Variants in RPSA observed in about 807,000 individuals in gnomAD.
RPSA encodes ribosomal protein SA, also known as small ribosomal subunit protein uS2.
For missense variants in RPSA, 140 were observed against 372.8 expected (o/e 0.38, Z 5.14); for synonymous variants, 103 against 126.7 (o/e 0.81, Z 1.25).
At chr3:39,407,846 A>G (rs1314760440) in intron 2 of RPSA, 60 bp downstream of exon 2, 11 of 1,418,586 alleles carry the variant, frequency 7.8e-6, no homozygotes, top group East Asian at 2.3e-5. Flanking sequence ...TGAGCTTGCT[A>G]TTCTCGTGGT....
intron 1 of RPSA, 143 bp downstream of exon 1, chr3:39,406,907 C>T: frequency 2.2e-6 from 1 of 455,322 alleles, no homozygotes; most frequent in Non-Finnish European, 4.4e-6. Flanking sequence ...CTTAGGCCTG[C>T]GGCCCGCACG....
chr3:39,407,817 C>T (rs781372954), intron 2 of RPSA, 31 bp downstream of exon 2: 2 of 1,581,022 alleles, frequency 1.3e-6, no homozygotes, highest in African/African-American at 1.3e-5. Flanking sequence ...TTTGTTACTC[C>T]AGCTGTAAGT....
At chr3:39,411,061 A>G (rs760984506) in intron 4 of RPSA, 62 bp downstream of exon 4, 4 of 1,581,158 alleles carry the variant, frequency 2.5e-6, no homozygotes, top group South Asian at 1.1e-5. Flanking sequence ...TCCTGTGCAC[A>G]TTGTTAGAGC....
chr3:39,408,846 C>T (rs2041959533), intron 3 of RPSA, 122 bp downstream of exon 3: 2 of 713,844 alleles, frequency 2.8e-6, no homozygotes, highest in African/African-American at 1.8e-5. Context: ...CGCCTGTAAT[C>T]CCAGCACTTT....
At chr3:39,412,119 C>A in intron 6 of RPSA, 58 bp downstream of exon 6, 1 of 1,520,388 alleles carries the variant, frequency 6.6e-7, no homozygotes, top group African/African-American at 1.4e-5. Flanking sequence ...CAGTTTTATT[C>A]TAACTTTAAT....
rs1364915389 is a variant in RPSA, at chr3:39,407,671, T to C, written c.18T>C (p.Asp6=). Residue 6 remains aspartate (D), a synonymous_variant, in exon 2 of 7, where the codon GAT becomes GAC. Coordinates refer to ENST00000301821, the MANE Select transcript of RPSA (RefSeq NM_002295.6). ...TTTTCACAATGTCCGGAGCCCTTGA[T>C]GTCCTGCAAATGAAGGAGGAGGATG... The part of the protein sequence containing the change: MSGAL[D]VLQMKEEDVL... The C allele has an allele frequency of 1.3e-6, 2 of 1,596,262 alleles. No individual in the cohort carries two copies. The highest frequency in any genetic ancestry group is 1.7e-6 in the Non-Finnish European group (2 of 1,177,832).
intron 3 of RPSA, 170 bp from the exon 4 acceptor site, chr3:39,410,584 T>C (rs1461499665): frequency 1.4e-5 from 10 of 720,688 alleles, no homozygotes; most frequent in Middle Eastern, 2.5e-4. Context: ...TCTTTTTTAA[T>C]GTATGCAGGA....
rs1402091973 is a variant in RPSA, at chr3:39,410,796, A to G, written c.295A>G (p.Ile99Val). 17 of 1,612,792 alleles carry G rather than the reference A, an allele frequency of 1.1e-5. No homozygotes were observed. The highest frequency in any genetic ancestry group is 1.3e-5 in the African/African-American group (1 of 74,924). Residue 99 changes from isoleucine to valine, a missense_variant, in exon 4 of 7, where the codon ATT becomes GTT. Coordinates refer to ENST00000301821, the MANE Select transcript of RPSA (RefSeq NM_002295.6). Reference sequence around the variant, plus strand: ...TGCTGCTGCCACTGGAGCCACTCCAATTGCTGGCCGCTTCACTCCTGGAAC... The same window carrying G: ...TGCTGCTGCCACTGGAGCCACTCCAGTTGCTGGCCGCTTCACTCCTGGAAC... ...KFAAATGATP[I>V]AGRFTPGTFT...
chr3:39,410,101 T>TG lies in RPSA; in HGVS notation c.253-652dup, dbSNP rs2041983250. ...ACTGTCCACTGCATCCCAGCCTGAG[T>TG]GACAGAGTGAGGCCTTGTCTCAAAG... On this transcript the variant is annotated intron_variant, in intron 3 of 6. Coordinates refer to ENST00000301821, the MANE Select transcript of RPSA (RefSeq NM_002295.6). Among the ~76,000 whole-genome samples the TG allele has an allele frequency of 2.6e-5, 4 of 152,204 alleles. No homozygotes were observed. The South Asian group carries it at 8.3e-4, about 31-fold the overall frequency.
intron 4 of RPSA, 178 bp from the exon 5 acceptor site, chr3:39,411,469 CTA>C: frequency 1.5e-6 from 1 of 659,438 alleles, no homozygotes; most frequent in Non-Finnish European, 2.5e-6. Context: ...TTTTCAATCC[CTA>C]TGATTCCAGT....
intron 3 of RPSA, 139 bp downstream of exon 3, chr3:39,408,863 T>TTTTTTTTTTAA: frequency 1.5e-6 from 1 of 668,606 alleles, no homozygotes; most frequent in African/African-American, 1.8e-5. Context: ...CTTTGGGAGG[T>TTTTTTTTTTAA]GGAGTCCGGC....
chr3:39,408,139 CAATAT>C (rs934913300), intron 2 of RPSA: 1 of 369,766 alleles, frequency 2.7e-6, no homozygotes, highest in African/African-American at 2.1e-5. Flanking sequence ...TGGGAATGAA[CAATAT>C]GGTTTGGAAG....
chr3:39,406,943 C>G, intron 1 of RPSA, 179 bp downstream of exon 1: 2 of 452,940 alleles, frequency 4.4e-6, no homozygotes, highest in South Asian at 3.1e-5. Context: ...TGGCGGGTTC[C>G]CAGAGTGCCC....
chr3:39,412,378 G>T lies in RPSA; in HGVS notation c.*10G>T. The T allele has an allele frequency of 3.2e-6, 4 of 1,246,402 alleles. No homozygotes were observed. The highest frequency in any genetic ancestry group is 2.4e-5 in the South Asian group (2 of 82,226). 77.2% of individuals were successfully genotyped at this position (1,246,402 alleles called of 1,614,324 possible). A position where few individuals can be genotyped will look rare whatever the true frequency, so the allele number is the denominator to read the frequency against. ...CACTGACTGGTCTTAAGCTGTTCTT[G>T]CATAGGCTCTTAAGCAGCATGGAAA... is the stretch of plus-strand genomic sequence containing the variant. On this transcript the variant is annotated 3_prime_UTR_variant, in exon 7 of 7. Transcript: ENST00000301821.
chr3:39,410,916 T>G lies in RPSA; in HGVS notation c.415T>G (p.Tyr139Asp). The change falls in exon 4 of 7, where the codon TAT (tyrosine) becomes GAT (aspartate). Residue 139 changes from tyrosine to aspartate, a missense_variant. Physicochemically the swap from Tyr to Asp is radical, Grantham distance 160. Transcript: ENST00000301821. The part of the protein sequence containing the change: ...ADHQPLTEAS[Y>D]VNLPTIALCN... ...CCACCAGCCTCTCACGGAGGCATCTTATGTTAACCTACCTACCATTGCGCT... is the reference window on the plus strand; with the variant it reads ...CCACCAGCCTCTCACGGAGGCATCTGATGTTAACCTACCTACCATTGCGCT... 2 of 1,591,414 alleles carry G rather than the reference T, an allele frequency of 1.3e-6. No homozygotes were observed. Among genetic ancestry groups the G allele is most frequent in the Non-Finnish European group, 1.7e-6 (2 of 1,172,264 alleles).
At chr3:39,409,707 C>T (rs1167483072) in intron 3 of RPSA, among the ~76,000 whole-genome samples, 4 of 152,140 alleles carry the variant, frequency 2.6e-5, no homozygotes, top group Non-Finnish European at 4.4e-5. Context: ...TGACGGCATG[C>T]ACCCATAGTT....
chr3:39,407,052 T>G (rs1398948204), intron 1 of RPSA: 3 of 454,604 alleles, frequency 6.6e-6, no homozygotes, highest in South Asian at 4.7e-5. Flanking sequence ...TAACATCCTG[T>G]GTTGCTATCC....
chr3:39,406,830 G>T, intron 1 of RPSA, 66 bp downstream of exon 1: 2 of 456,016 alleles, frequency 4.4e-6, no homozygotes, highest in African/African-American at 2.0e-5. Flanking sequence ...CTGCTCAAAT[G>T]AAGGGTGAGA....
rs1030008082 is a variant in RPSA at position 39,410,965 on chromosome 3, G to A, written c.464G>A (p.Arg155His). 13 of 1,599,518 alleles carry A rather than the reference G, an allele frequency of 8.1e-6. No homozygotes were observed. In the Admixed American group the frequency reaches 1.2e-4, roughly 14 times the overall value. ...CTGTGTAACACAGATTCTCCTCTGC[G>A]CTATGTGGACATTGCCATCCCATGC... ...IALCNTDSPL[R>H]YVDIAIPCNN... The change falls in exon 4 of 7, where the codon CGC becomes CAC. Residue 155 changes from arginine (R) to histidine (H), a missense_variant. By Grantham distance (29) the Arg-to-His change is conservative. Transcript: ENST00000301821.
Sources: allele counts gnomAD v4.1 joint callset (sites outside exome capture counted in the v4.1 genomes callset), GRCh38; gene constraint gnomAD v4.1.1; transcripts MANE v1.5; gene names NCBI Gene and HGNC (gene_info 2026-07-23, HGNC 2026-07-21).